SUCLG2: variants seen among roughly 807,000 people sequenced by gnomAD.
The protein encoded by SUCLG2 is succinate--CoA ligase [GDP-forming] subunit beta, mitochondrial.
SUCLG2 carries 42 observed loss-of-function variants against 47.9 expected under a neutral mutation model. The observed-to-expected ratio is 0.88, with a 90% CI of 0.69 to 1.14. The LOEUF is 1.14. SUCLG2 is among the 50% of genes most tolerant of loss of function. The pLI, the probability that SUCLG2 is intolerant of heterozygous loss-of-function variation, is 0.00. For missense variants in SUCLG2, 571 were observed against 525.9 expected, an observed-to-expected ratio of 1.09 and a Z score of -0.84; for synonymous variants, 195 against 197.3, an observed-to-expected ratio of 0.99 and a Z score of 0.10.
chr3:67,619,622 T>C (rs934999716), intron 1 of SUCLG2, among the ~76,000 whole-genome samples: 1 of 152,166 alleles, frequency 6.6e-6, no homozygotes, highest in Non-Finnish European at 1.5e-5. Flanking sequence ...TTTCCCTAAC[T>C]CGAAAGAATT....
At chr3:67,618,850 A>G (rs6789513) in intron 1 of SUCLG2, among the ~76,000 whole-genome samples, 70,208 of 152,050 alleles carry the variant, frequency 0.46, 16,644 homozygotes, top group African/African-American at 0.55. Context: ...TAGAGTGGAT[A>G]GCTAGAGAAG....
chr3:67,400,054 T>C (rs1287670555), intron 10 of SUCLG2, among the ~76,000 whole-genome samples: 1 of 151,918 alleles, frequency 6.6e-6, no homozygotes, highest in Non-Finnish European at 1.5e-5. Context: ...ACAAAACTAC[T>C]CCCATTTTGA....
chr3:67,445,663 T>A (rs1703910795), intron 9 of SUCLG2, among the ~76,000 whole-genome samples: 1 of 18,352 alleles, frequency 5.4e-5, no homozygotes, highest in African/African-American at 2.1e-4. Context: ...AAAGCTGCAA[T>A]AGAAACTCAT....
At chr3:67,426,665 C>A (rs1361939056) in intron 9 of SUCLG2, among the ~76,000 whole-genome samples, 1 of 152,168 alleles carries the variant, frequency 6.6e-6, no homozygotes, top group Non-Finnish European at 1.5e-5. Flanking sequence ...CGCAGTGGCT[C>A]ACACCTGTAA....
intron 9 of SUCLG2, among the ~76,000 whole-genome samples, chr3:67,448,745 T>C (rs1162019235): frequency 1.3e-5 from 2 of 152,230 alleles, no homozygotes; most frequent in Non-Finnish European, 2.9e-5. Flanking sequence ...TAAGGACATA[T>C]AGCTGGTACT....
chr3:67,486,291 AAAAG>A (rs1295976356), intron 9 of SUCLG2, among the ~76,000 whole-genome samples: 2 of 152,172 alleles, frequency 1.3e-5, no homozygotes, highest in Non-Finnish European at 1.5e-5. Flanking sequence ...AGAAGAAAGA[AAAAG>A]AAAGAAGAAG....
intron 1 of SUCLG2, among the ~76,000 whole-genome samples, chr3:67,638,710 G>A (rs144695139): frequency 2.5e-4 from 38 of 152,340 alleles, no homozygotes; most frequent in African/African-American, 8.9e-4. Flanking sequence ...AAATCACGTA[G>A]ACTTGGGAGT....
At chr3:67,592,405 T>C (rs771296397) in intron 2 of SUCLG2, among the ~76,000 whole-genome samples, 55 of 152,324 alleles carry the variant, frequency 3.6e-4, no homozygotes, top group Admixed American at 1.4e-3. Context: ...GAAGATCTTA[T>C]TGATAAGACC....
chr3:67,365,348 A>G (rs1468565327), intron 10 of SUCLG2, among the ~76,000 whole-genome samples: 1 of 152,218 alleles, frequency 6.6e-6, no homozygotes, highest in Admixed American at 6.5e-5. Flanking sequence ...ATGACTATGT[A>G]GGTTATGAAA....
intron 9 of SUCLG2, among the ~76,000 whole-genome samples, chr3:67,468,736 G>A (rs1010764754): frequency 6.6e-6 from 1 of 152,120 alleles, no homozygotes; most frequent in Non-Finnish European, 1.5e-5. Context: ...CCAAGCAGGG[G>A]CCACTCAGAT....
At chr3:67,596,673 C>T (rs889192531) in intron 2 of SUCLG2, among the ~76,000 whole-genome samples, 4 of 152,150 alleles carry the variant, frequency 2.6e-5, no homozygotes, top group Non-Finnish European at 5.9e-5. Flanking sequence ...CCCAACCAAC[C>T]TCAGTACCTG....
chr3:67,559,460 C>T (rs1707249987), intron 2 of SUCLG2, among the ~76,000 whole-genome samples: 1 of 152,020 alleles, frequency 6.6e-6, no homozygotes, highest in Non-Finnish European at 1.5e-5. Context: ...CAAGGAAGTG[C>T]CACACTTTAA....
chr3:67,502,673 T>C (rs1312291699), intron 7 of SUCLG2, among the ~76,000 whole-genome samples: 1 of 152,180 alleles, frequency 6.6e-6, no homozygotes, highest in Non-Finnish European at 1.5e-5. Flanking sequence ...TACAGAACTC[T>C]CCTCTCTTCC....
At chr3:67,479,724 A>T (rs1466741145) in intron 9 of SUCLG2, among the ~76,000 whole-genome samples, 1 of 152,256 alleles carries the variant, frequency 6.6e-6, no homozygotes, top group Non-Finnish European at 1.5e-5. Flanking sequence ...GGGGACAAAA[A>T]TGAATTAGAT....
At chr3:67,429,422 C>T (rs1355161192) in intron 9 of SUCLG2, among the ~76,000 whole-genome samples, 1 of 152,178 alleles carries the variant, frequency 6.6e-6, no homozygotes, top group African/African-American at 2.4e-5. Flanking sequence ...CACCACCAGG[C>T]CTGTCTTACA....
intron 9 of SUCLG2, among the ~76,000 whole-genome samples, chr3:67,475,211 G>C (rs1309380487): frequency 6.6e-6 from 1 of 152,114 alleles, no homozygotes; most frequent in African/African-American, 2.4e-5. Flanking sequence ...TAAGTCAACT[G>C]CCTATTAGCA....
At chr3:67,610,997 A>G (rs1356006863) in intron 1 of SUCLG2, among the ~76,000 whole-genome samples, 1 of 152,180 alleles carries the variant, frequency 6.6e-6, no homozygotes, top group Non-Finnish European at 1.5e-5. Context: ...TGACATATGA[A>G]AGACACCCAA....
At chr3:67,621,243 G>A (rs1399895123) in intron 1 of SUCLG2, among the ~76,000 whole-genome samples, 1 of 152,084 alleles carries the variant, frequency 6.6e-6, no homozygotes, top group Non-Finnish European at 1.5e-5. Flanking sequence ...CAGTAGAGGT[G>A]GGGACAGAAA....
intron 1 of SUCLG2, among the ~76,000 whole-genome samples, chr3:67,648,530 C>G (rs1701232106): frequency 6.6e-6 from 1 of 152,124 alleles, no homozygotes; most frequent in Admixed American, 6.5e-5. Flanking sequence ...GCGGGTGACT[C>G]CCTGGCACTG....
Sources: gnomAD v4.1 joint callset for allele counts (sites outside exome capture counted in the v4.1 genomes callset) on GRCh38, gnomAD v4.1.1 for gene constraint, MANE v1.5 for transcripts, NCBI Gene and HGNC (gene_info 2026-07-23, HGNC 2026-07-21) for gene names.